The following ERBB4 variants were observed in gnomAD, a reference collection of about 807,000 sequenced individuals.
The protein encoded by ERBB4 is erb-b2 receptor tyrosine kinase 4, also known as receptor tyrosine-protein kinase erbB-4.
A neutral mutation model predicts 158.0 loss-of-function variants in ERBB4; 42 were observed. That is an observed-to-expected ratio of 0.27 (90% CI 0.21 to 0.34). ERBB4 has a LOEUF of 0.34. Among genes scored for constraint, ERBB4 ranks in the 10% least tolerant of loss-of-function variants. The pLI is 1.00. For synonymous variants in ERBB4, 583 were observed against 558.7 expected (o/e 1.04, Z -0.61); for missense variants, 1,333 against 1,624.1 (o/e 0.82, Z 3.08).
chr2:211,657,801 G>A lies in ERBB4; in HGVS notation c.1899C>T (p.Cys633=), dbSNP rs945812182. 1 of 1,613,828 alleles carries A rather than the reference G, an allele frequency of 6.2e-7. No homozygotes were observed. Among genetic ancestry groups the A allele is most frequent in the Admixed American group, 1.7e-5 (1 of 59,994 alleles). ...AATGGCCCGTCCATGGGTAGTAAAT[G>A]CAGTCATGACTAGTGGGACCGTTAC... ...QGCNGPTSHD[C]IYYPWTGHST... is the part of the protein sequence containing the mutation. The change falls in exon 16 of 28, where the codon TGC becomes TGT. Residue 633 remains cysteine, a synonymous_variant. Coordinates refer to ENST00000342788, the MANE Select transcript of ERBB4 (RefSeq NM_005235.3).
chr2:212,190,249 G>C (rs939385022), intron 1 of ERBB4, among the ~76,000 whole-genome samples: 1 of 152,112 alleles, frequency 6.6e-6, no homozygotes, highest in Non-Finnish European at 1.5e-5. Flanking sequence ...TTTAAGAAAT[G>C]GGGGCAGCTG....
At chr2:212,089,097 G>A (rs2078698085) in intron 2 of ERBB4, among the ~76,000 whole-genome samples, 1 of 151,962 alleles carries the variant, frequency 6.6e-6, no homozygotes, top group East Asian at 1.9e-4. Flanking sequence ...AGTTGACAAA[G>A]GAAAGCAAAT....
At chr2:211,965,744 T>A (rs1049277474) in intron 2 of ERBB4, among the ~76,000 whole-genome samples, 3 of 152,176 alleles carry the variant, frequency 2.0e-5, no homozygotes, top group Non-Finnish European at 4.4e-5. Flanking sequence ...TCACAGAACA[T>A]ATTTTATAAT....
intron 3 of ERBB4, among the ~76,000 whole-genome samples, chr2:211,825,120 A>G (rs931800346): frequency 2.6e-5 from 4 of 151,958 alleles, no homozygotes; most frequent in South Asian, 2.1e-4. Context: ...AGAGAAGAAA[A>G]GGACAGTCTA....
rs1207529359 is a variant in ERBB4 at position 212,528,952 on chromosome 2, T to C, written c.82+9497A>G. Among the ~76,000 whole-genome samples the C allele has an allele frequency of 2.6e-5, 4 of 152,198 alleles. No individual in the cohort carries two copies. The East Asian group carries it at 7.7e-4, about 29-fold the overall frequency. On this transcript the variant is annotated intron_variant, in intron 1 of 27. Transcript: ENST00000342788. ...GCTATAACAAAGTTGTATTATCACATATATCTAGGAATAGAAAATGCCAGA... is the reference window on the plus strand; with the variant it reads ...GCTATAACAAAGTTGTATTATCACACATATCTAGGAATAGAAAATGCCAGA...
chr2:211,889,230 G>A (rs1202460349), intron 3 of ERBB4, among the ~76,000 whole-genome samples: 5 of 144,698 alleles, frequency 3.5e-5, no homozygotes, highest in Non-Finnish European at 6.0e-5. Flanking sequence ...TCCTCAAGTG[G>A]GTCCCTGACC....
intron 2 of ERBB4, among the ~76,000 whole-genome samples, chr2:212,088,624 T>A (rs575658262): frequency 3.0e-4 from 46 of 152,216 alleles, no homozygotes; most frequent in Middle Eastern, 3.4e-3. Flanking sequence ...TTCTTTGTGG[T>A]TGATACAGTT....
intron 4 of ERBB4, 52 bp from the exon 5 acceptor site, chr2:211,750,756 C>T: frequency 2.0e-6 from 3 of 1,467,726 alleles, no homozygotes; most frequent in Non-Finnish European, 2.9e-6. Context: ...TCTTTCACTC[C>T]TTGACTAGGA....
chr2:212,393,345 C>A (rs1269278486), intron 1 of ERBB4, among the ~76,000 whole-genome samples: 1 of 152,052 alleles, frequency 6.6e-6, no homozygotes, highest in African/African-American at 2.4e-5. Flanking sequence ...AGCTTTCTAT[C>A]CATAAAGCAA....
chr2:212,294,928 G>A (rs2086354681), intron 1 of ERBB4, among the ~76,000 whole-genome samples: 1 of 152,050 alleles, frequency 6.6e-6, no homozygotes, highest in Non-Finnish European at 1.5e-5. Context: ...TGCCCTGAGG[G>A]CAAAGCCAGG....
chr2:212,531,476 G>C (rs778234753), intron 1 of ERBB4, among the ~76,000 whole-genome samples: 3 of 152,170 alleles, frequency 2.0e-5, no homozygotes, highest in Non-Finnish European at 4.4e-5. Context: ...CATGATGAAA[G>C]AGGATGGCCC....
At chr2:211,486,841 G>A (rs2065216055) in intron 20 of ERBB4, among the ~76,000 whole-genome samples, 1 of 151,992 alleles carries the variant, frequency 6.6e-6, no homozygotes, top group Non-Finnish European at 1.5e-5. Context: ...ATAAAATTTG[G>A]ATTAAAATAT....
chr2:212,091,850 CTTTAAAG>C (rs1182917610), intron 2 of ERBB4, among the ~76,000 whole-genome samples: 2 of 152,046 alleles, frequency 1.3e-5, no homozygotes, highest in Non-Finnish European at 2.9e-5. Context: ...TAAAACATAT[CTTTAAAG>C]TTTATAAGGC....
At chr2:212,159,266 T>G (rs1048429733) in intron 1 of ERBB4, among the ~76,000 whole-genome samples, 3 of 24,600 alleles carry the variant, frequency 1.2e-4, no homozygotes, top group Non-Finnish European at 3.3e-4. Flanking sequence ...GTGTTTTTGT[T>G]TTTTTTTTTT....
At chr2:212,079,835 G>A (rs969949922) in intron 2 of ERBB4, among the ~76,000 whole-genome samples, 1 of 151,996 alleles carries the variant, frequency 6.6e-6, no homozygotes, top group Non-Finnish European at 1.5e-5. Flanking sequence ...CTTTGATAGT[G>A]CAAAATCTAT....
chr2:211,413,309 AAC>A (rs36108369), intron 25 of ERBB4, among the ~76,000 whole-genome samples: 1,209 of 94,516 alleles, frequency 0.013, 68 homozygotes, highest in African/African-American at 0.028. Context: ...CTGTCTTAAA[AAC>A]ACACACACAC....
At chr2:212,061,116 T>C (rs1362081717) in intron 2 of ERBB4, among the ~76,000 whole-genome samples, 1 of 151,782 alleles carries the variant, frequency 6.6e-6, no homozygotes, top group African/African-American at 2.4e-5. Flanking sequence ...GTGTCGAAGT[T>C]CCCATTGAGG....
chr2:211,795,227 A>G (rs1001201219), intron 3 of ERBB4, among the ~76,000 whole-genome samples: 1 of 151,830 alleles, frequency 6.6e-6, no homozygotes, highest in East Asian at 1.9e-4. Flanking sequence ...TGTAAAGGCA[A>G]TAATACTGAA....
intron 2 of ERBB4, among the ~76,000 whole-genome samples, chr2:212,030,593 G>T (rs2076880407): frequency 6.6e-6 from 1 of 152,100 alleles, no homozygotes; most frequent in South Asian, 2.1e-4. Context: ...ATGTAAGAGA[G>T]ATGAGAAAGC....
Sources: gnomAD v4.1 joint callset for allele counts (sites outside exome capture counted in the v4.1 genomes callset) on GRCh38, gnomAD v4.1.1 for gene constraint, MANE v1.5 for transcripts, NCBI Gene and HGNC (gene_info 2026-07-23, HGNC 2026-07-21) for gene names.